The following NAV3 variants were observed in gnomAD, a reference collection of about 807,000 sequenced individuals.
The protein encoded by NAV3 is pore membrane and/or filament interacting like protein 1.
In NAV3, 87 loss-of-function variants were observed where a neutral mutation model predicts 244.7. That is an observed-to-expected ratio of 0.36 (90% CI 0.30 to 0.42). The LOEUF (loss-of-function observed/expected upper bound fraction) is 0.42. Among genes scored for constraint, NAV3 ranks in the 20% least tolerant of loss-of-function variants. The pLI, the probability that NAV3 is intolerant of heterozygous loss-of-function variation, is 1.00. For missense variants in NAV3, 2,663 were observed against 2,893.3 expected (o/e 0.92, Z 1.83); for synonymous variants, 1,126 against 1,042.2 (o/e 1.08, Z -1.55).
chr12:77,862,880 C>T (rs1245584066), intron 1 of NAV3, among the ~76,000 whole-genome samples: 2 of 151,482 alleles, frequency 1.3e-5, no homozygotes, highest in Admixed American at 6.6e-5. Flanking sequence ...AGGATACTGT[C>T]ATATTCAATT....
At chr12:78,115,045 G>A (rs1157387304) in intron 12 of NAV3, among the ~76,000 whole-genome samples, 1 of 151,872 alleles carries the variant, frequency 6.6e-6, no homozygotes, top group African/African-American at 2.4e-5. Context: ...CATTATTTTG[G>A]ACTTATGATG....
intron 12 of NAV3, among the ~76,000 whole-genome samples, chr12:78,062,843 T>C (rs1376237296): frequency 1.3e-5 from 2 of 152,090 alleles, no homozygotes; most frequent in African/African-American, 4.8e-5. Context: ...AATGGGTAAA[T>C]GATAAGGCTT....
intron 1 of NAV3, among the ~76,000 whole-genome samples, chr12:77,849,342 G>C (rs1877138787): frequency 6.6e-6 from 1 of 152,096 alleles, no homozygotes; most frequent in Non-Finnish European, 1.5e-5. Flanking sequence ...CCATCCTAGA[G>C]ACTGTTCATG....
intron 23 of NAV3, among the ~76,000 whole-genome samples, chr12:78,166,772 G>A (rs1957797581): frequency 1.3e-5 from 2 of 151,650 alleles, no homozygotes. Flanking sequence ...CTTGTGAAAA[G>A]CTGAACGTTC....
At chr12:77,637,392 T>C (rs1872205338) in intron 2 of NAV3, among the ~76,000 whole-genome samples, 2 of 152,162 alleles carry the variant, frequency 1.3e-5, no homozygotes, top group African/African-American at 4.8e-5. Context: ...AGAAATTCTA[T>C]ACTTCTTTGT....
intron 2 of NAV3, among the ~76,000 whole-genome samples, chr12:77,775,570 C>T (rs1349804721): frequency 6.6e-6 from 1 of 152,064 alleles, no homozygotes; most frequent in African/African-American, 2.4e-5. Context: ...TGTTTTAAAT[C>T]TTATAATAGC....
In NAV3 at chr12:78,106,596, C is replaced by A. The variant is rs147152921; in HGVS notation, c.2637-10176C>A. 2.4e-3 allele frequency among the ~76,000 whole-genome samples: 368 copies of A among 152,312 alleles called. 3 individuals carry two copies. Among genetic ancestry groups the A allele is most frequent in the African/African-American group, 8.6e-3 (357 of 41,578 alleles). ...CAAATGGAAATGCAAAAGGCAGTCA[C>A]TGCCAACACCAGCATGGACTGTCTG... is the stretch of plus-strand genomic sequence containing the variant. On this transcript the variant is annotated intron_variant, in intron 12 of 39. Transcript: ENST00000397909.
chr12:77,697,576 T>A (rs1268114448), intron 2 of NAV3, among the ~76,000 whole-genome samples: 1 of 152,206 alleles, frequency 6.6e-6, no homozygotes, highest in Non-Finnish European at 1.5e-5. Context: ...TACATTTTCA[T>A]CATTTCAGAA....
intron 2 of NAV3, among the ~76,000 whole-genome samples, chr12:77,604,387 A>C (rs1274431088): frequency 1.3e-5 from 2 of 152,128 alleles, no homozygotes; most frequent in African/African-American, 2.4e-5. Flanking sequence ...TAATAGGAAC[A>C]AAAAGAGGAT....
intron 2 of NAV3, among the ~76,000 whole-genome samples, chr12:77,671,216 CA>C (rs144119429): frequency 0.078 from 11,835 of 151,652 alleles, 644 homozygotes; most frequent in African/African-American, 0.16. Context: ...AAACAAGAAA[CA>C]AAAACAAAAA....
At chr12:78,017,371 G>A (rs1273988193) in intron 8 of NAV3, among the ~76,000 whole-genome samples, 5 of 152,218 alleles carry the variant, frequency 3.3e-5, no homozygotes, top group East Asian at 1.9e-4. Context: ...AGGTCAAAGC[G>A]GAAGTGAGCT....
At chr12:78,173,365 A>T (rs1007851005) in intron 24 of NAV3, among the ~76,000 whole-genome samples, 3 of 151,656 alleles carry the variant, frequency 2.0e-5, no homozygotes, top group Non-Finnish European at 4.4e-5. Flanking sequence ...AGTATTAAAG[A>T]AGTCAAACAC....
rs572410304 is a variant in NAV3 at position 77,640,961 on chromosome 12, T to C, written c.72+68695T>C. Among the ~76,000 whole-genome samples the C allele has an allele frequency of 7.9e-5, 12 of 152,110 alleles. No homozygotes were observed. In the East Asian group the frequency reaches 1.7e-3, roughly 22 times the overall value. ...CAAAGTTGTTTGTCAGAAATTCTCA[T>C]TGGTTTGTGGAAATGACATTGACTA... is the stretch of plus-strand genomic sequence containing the variant. On this transcript the variant is annotated intron_variant, in intron 2 of 8. Transcript: ENST00000550042.
At chr12:77,832,365 C>T (rs1046007193) in intron 1 of NAV3, among the ~76,000 whole-genome samples, 3 of 152,146 alleles carry the variant, frequency 2.0e-5, no homozygotes, top group Non-Finnish European at 4.4e-5. Flanking sequence ...ATACTACAAC[C>T]GTTTTCTCCA....
intron 1 of NAV3, among the ~76,000 whole-genome samples, chr12:77,875,212 T>C (rs557436080): frequency 2.0e-5 from 3 of 152,248 alleles, no homozygotes; most frequent in South Asian, 2.1e-4. Context: ...ATTGTTATTC[T>C]AGAATACCTC....
chr12:78,165,241 A>G (rs776466038), intron 23 of NAV3, among the ~76,000 whole-genome samples: 7 of 152,022 alleles, frequency 4.6e-5, no homozygotes, highest in Non-Finnish European at 7.4e-5. Flanking sequence ...AATATCTATC[A>G]TTTTTGAAAA....
At chr12:77,710,651 CTT>C (rs981948946) in intron 2 of NAV3, among the ~76,000 whole-genome samples, 52 of 152,212 alleles carry the variant, frequency 3.4e-4, no homozygotes, top group Admixed American at 1.9e-3. Context: ...AATGATGTGA[CTT>C]TTTGAGAACT....
intron 2 of NAV3, among the ~76,000 whole-genome samples, chr12:77,806,596 G>T (rs899242198): frequency 6.6e-6 from 1 of 152,032 alleles, no homozygotes; most frequent in African/African-American, 2.4e-5. Flanking sequence ...TTATGTGGTC[G>T]ATTTTAGAAT....
chr12:78,097,689 T>A (rs1215479028), intron 12 of NAV3, among the ~76,000 whole-genome samples: 1 of 152,184 alleles, frequency 6.6e-6, no homozygotes, highest in Non-Finnish European at 1.5e-5. Flanking sequence ...CTTTTAAATA[T>A]AAGAAATATT....
Sources: allele counts gnomAD v4.1 joint callset (sites outside exome capture counted in the v4.1 genomes callset), GRCh38; gene constraint gnomAD v4.1.1; transcripts MANE v1.5; gene names NCBI Gene and HGNC (gene_info 2026-07-23, HGNC 2026-07-21).